The following HECW2 variants were observed in gnomAD, a reference collection of about 807,000 sequenced individuals.
HECW2 encodes the protein E3 ubiquitin-protein ligase HECW2.
Under a neutral mutation model 175.2 loss-of-function variants are expected in HECW2, and 61 were observed. The observed-to-expected ratio is 0.35, with a 90% CI of 0.28 to 0.43. The LOEUF is 0.43. HECW2 is among the 20% of genes least tolerant of loss of function. The pLI, the probability that HECW2 is intolerant of heterozygous loss-of-function variation, is 1.00. For synonymous variants in HECW2, 671 were observed against 731.0 expected (o/e 0.92, Z 1.32); for missense variants, 1,524 against 2,000.5 (o/e 0.76, Z 4.54).
intron 28 of HECW2, among the ~76,000 whole-genome samples, chr2:196,209,102 C>A (rs1378034216): frequency 6.6e-6 from 1 of 152,200 alleles, no homozygotes; most frequent in East Asian, 1.9e-4. Flanking sequence ...GGTAAGCATT[C>A]TTTAACTGTT....
At chr2:196,394,603 G>T (rs1445139752) in intron 2 of HECW2, among the ~76,000 whole-genome samples, 2 of 151,992 alleles carry the variant, frequency 1.3e-5, no homozygotes, top group African/African-American at 4.8e-5. Context: ...GTCTCAGAAA[G>T]GTCAATTAAT....
intron 1 of HECW2, among the ~76,000 whole-genome samples, chr2:196,534,441 G>A (rs1688950321): frequency 6.6e-6 from 1 of 152,166 alleles, no homozygotes; most frequent in Non-Finnish European, 1.5e-5. Flanking sequence ...AAATACTAGG[G>A]AGGAATTTGT....
At chr2:196,548,254 G>A (rs954811969) in intron 1 of HECW2, among the ~76,000 whole-genome samples, 7 of 151,236 alleles carry the variant, frequency 4.6e-5, no homozygotes, top group African/African-American at 1.5e-4. Flanking sequence ...TGCTTGAATC[G>A]GGGAGGTGGA....
chr2:196,323,908 GT>G (rs1227754141), intron 6 of HECW2, among the ~76,000 whole-genome samples: 11 of 63,218 alleles, frequency 1.7e-4, no homozygotes, highest in Non-Finnish European at 3.0e-4. Flanking sequence ...AGTTTTTTTT[GT>G]TTTTTGTTTG....
At chr2:196,582,518 C>T (rs866606939) in intron 1 of HECW2, among the ~76,000 whole-genome samples, 1 of 152,226 alleles carries the variant, frequency 6.6e-6, no homozygotes, top group African/African-American at 2.4e-5. Context: ...TCAAACACCA[C>T]TGAGGTTCTT....
intron 1 of HECW2, among the ~76,000 whole-genome samples, 165 bp downstream of exon 1, chr2:196,593,343 C>G (rs956636973): frequency 6.6e-6 from 1 of 150,650 alleles, no homozygotes. Context: ...CCCGAGCGGC[C>G]CCGCAGCGCC....
intron 1 of HECW2, among the ~76,000 whole-genome samples, chr2:196,457,663 C>A (rs6713175): frequency 0.22 from 32,934 of 151,666 alleles, 4,094 homozygotes; most frequent in African/African-American, 0.35. Context: ...TTTATATTCC[C>A]GACCCTAAAA....
intron 16 of HECW2, among the ~76,000 whole-genome samples, chr2:196,272,075 T>C (rs1013832811): frequency 4.6e-5 from 7 of 152,174 alleles, no homozygotes; most frequent in African/African-American, 1.7e-4. Context: ...CATCTTCTGA[T>C]TGATTAGCAG....
chr2:196,306,253 T>C (rs182254798), intron 13 of HECW2, among the ~76,000 whole-genome samples: 1 of 152,236 alleles, frequency 6.6e-6, no homozygotes, highest in African/African-American at 2.4e-5. Flanking sequence ...GAGAAATAAA[T>C]TTCTGTTGCT....
intron 2 of HECW2, among the ~76,000 whole-genome samples, chr2:196,362,433 C>T (rs752820942): frequency 6.6e-6 from 1 of 150,984 alleles, no homozygotes; most frequent in South Asian, 2.1e-4. Context: ...GGGGAGCTTG[C>T]TATTTGATTT....
At chr2:196,394,788 T>C (rs1694614278) in intron 2 of HECW2, among the ~76,000 whole-genome samples, 1 of 152,226 alleles carries the variant, frequency 6.6e-6, no homozygotes, top group Non-Finnish European at 1.5e-5. Context: ...GGAAAACTCA[T>C]TTTCCAGATG....
At chr2:196,386,887 T>C (rs921651769) in intron 2 of HECW2, among the ~76,000 whole-genome samples, 3 of 152,178 alleles carry the variant, frequency 2.0e-5, no homozygotes, top group African/African-American at 4.8e-5. Flanking sequence ...CTGTGAATGA[T>C]TGTAGTCGTT....
intron 1 of HECW2, among the ~76,000 whole-genome samples, chr2:196,471,308 A>C (rs950681810): frequency 1.4e-4 from 21 of 152,234 alleles, no homozygotes; most frequent in Non-Finnish European, 7.3e-5. Context: ...TTAAGAAATC[A>C]AAATTAACCG....
In HECW2 at chr2:196,308,094, C is replaced by A; in HGVS notation, c.2435-9G>T. On this transcript the variant is annotated splice_polypyrimidine_tract_variant and intron_variant, in intron 10 of 28. Coordinates refer to ENST00000644978, the MANE Select transcript of HECW2 (RefSeq NM_001348768.2). ...AATGCGTGCCTCCCAGTCTAAATGG[C>A]AGTGAGGCACCGAAAGGAATTAGGA... The A allele has an allele frequency of 6.4e-7, 1 of 1,550,792 alleles. No homozygotes were observed.
chr2:196,525,985 T>C (rs1430786737), intron 1 of HECW2, among the ~76,000 whole-genome samples: 5 of 90,292 alleles, frequency 5.5e-5, no homozygotes, highest in South Asian at 4.8e-4. Flanking sequence ...GGAGTATCTT[T>C]GTGGCGTTCT....
intron 18 of HECW2, among the ~76,000 whole-genome samples, chr2:196,254,972 CTTTTTT>C (rs10587104): frequency 8.3e-6 from 1 of 120,464 alleles, no homozygotes; most frequent in African/African-American, 3.0e-5. Flanking sequence ...ATCTGGTTTC[CTTTTTT>C]TTTTTTTTTT....
At chr2:196,359,774 C>G (rs989620467) in intron 2 of HECW2, among the ~76,000 whole-genome samples, 3 of 152,144 alleles carry the variant, frequency 2.0e-5, no homozygotes, top group Non-Finnish European at 4.4e-5. Context: ...CTTGTTGGAG[C>G]TCATCTAATC....
intron 1 of HECW2, among the ~76,000 whole-genome samples, chr2:196,533,298 A>G (rs1688903832): frequency 6.6e-6 from 1 of 152,240 alleles, no homozygotes; most frequent in Non-Finnish European, 1.5e-5. Context: ...CGAATTAGCA[A>G]CCAATGACCT....
At chr2:196,491,527 T>C (rs986761420) in intron 1 of HECW2, among the ~76,000 whole-genome samples, 6 of 146,132 alleles carry the variant, frequency 4.1e-5, no homozygotes, top group South Asian at 2.1e-4. Flanking sequence ...CACACACACA[T>C]ATACACACAT....
Sources: allele counts gnomAD v4.1 joint callset (sites outside exome capture counted in the v4.1 genomes callset), GRCh38; gene constraint gnomAD v4.1.1; transcripts MANE v1.5; gene names NCBI Gene and HGNC (gene_info 2026-07-23, HGNC 2026-07-21).